CFLAR: variants seen among roughly 807,000 people sequenced by gnomAD.
CFLAR encodes CASP8 and FADD-like apoptosis regulator.
A neutral mutation model predicts 51.1 loss-of-function variants in CFLAR; 14 were observed. That is an observed-to-expected ratio of 0.27 (90% CI 0.18 to 0.43). The LOEUF (loss-of-function observed/expected upper bound fraction) is 0.43. Ranked by LOEUF, CFLAR falls within the 20% of genes least tolerant of loss-of-function variation. The pLI is 1.00. For synonymous variants in CFLAR, 210 were observed against 211.6 expected (o/e 0.99, Z 0.06); for missense variants, 390 against 566.5 (o/e 0.69, Z 3.16).
At chr2:201,131,336 A>G (rs1376331255) in intron 2 of CFLAR, among the ~76,000 whole-genome samples, 1 of 151,842 alleles carries the variant, frequency 6.6e-6, no homozygotes, top group Non-Finnish European at 1.5e-5. Flanking sequence ...TCTGGGTTCA[A>G]GTGATTCTCC....
intron 7 of CFLAR, 122 bp from the exon 8 acceptor site, chr2:201,149,632 C>G (rs1940909337): frequency 3.0e-6 from 2 of 665,196 alleles, no homozygotes; most frequent in African/African-American, 3.6e-5. Flanking sequence ...AAACTTCAGG[C>G]TGTGTCTGTT....
rs1022172177 is a variant in CFLAR at position 201,172,682 on chromosome 2, T to C, written c.*8709T>C. The stretch of plus-strand genomic sequence containing the variant: ...TGTGGCCTTTCGTGTCTGACTTCCT[T>C]CACTTAGCATGTTTCAAGGTTCATC... On this transcript the variant is annotated 3_prime_UTR_variant, in exon 10 of 10. Coordinates refer to ENST00000309955, the MANE Select transcript of CFLAR (RefSeq NM_003879.7). The C allele has an allele frequency of 2.0e-5, 3 of 152,222 alleles. No individual in the cohort carries two copies. Among genetic ancestry groups the C allele is most frequent in the African/African-American group, 7.2e-5 (3 of 41,456 alleles). The allele number at this position is 152,222 out of a possible 1,614,324, so 9.4% of individuals were successfully genotyped here.
At chr2:201,161,631 T>C (rs1943020748) in intron 9 of CFLAR, among the ~76,000 whole-genome samples, 1 of 151,844 alleles carries the variant, frequency 6.6e-6, no homozygotes, top group South Asian at 2.1e-4. Context: ...ACCAGGCCAG[T>C]CTTGAACTCC....
At chr2:201,161,055 A>ATCTC in intron 9 of CFLAR, 113 bp downstream of exon 9, 1 of 731,974 alleles carries the variant, frequency 1.4e-6, no homozygotes, top group Non-Finnish European at 2.3e-6. Flanking sequence ...AGGAAAAGAG[A>ATCTC]TTTTCCCTCC....
intron 8 of CFLAR, among the ~76,000 whole-genome samples, chr2:201,159,819 G>A (rs923432554): frequency 6.6e-6 from 1 of 152,196 alleles, no homozygotes. Flanking sequence ...ATCCTCACCT[G>A]TGGGTGAGGA....
At chr2:201,159,248 T>G (rs1942703918) in intron 8 of CFLAR, among the ~76,000 whole-genome samples, 1 of 152,132 alleles carries the variant, frequency 6.6e-6, no homozygotes, top group Non-Finnish European at 1.5e-5. Context: ...ATGATGCTTA[T>G]TGATTATAGA....
At chr2:201,149,699 T>G in intron 7 of CFLAR, 55 bp from the exon 8 acceptor site, 1 of 1,387,230 alleles carries the variant, frequency 7.2e-7, no homozygotes, top group African/African-American at 1.4e-5. Flanking sequence ...GGGTGGGACC[T>G]TATAGAAACA....
Position 201,175,403 on chromosome 2 carries a change from C to G in CFLAR, c.*11430C>G, listed in dbSNP as rs555543325. ...CTTTGGGAGGCTGAGGATGGTGGAT[C>G]GCTTGAGCCAAGGAATTTGAGGCCA... is the stretch of plus-strand genomic sequence containing the variant. On this transcript the variant is annotated 3_prime_UTR_variant, in exon 10 of 10. Transcript: ENST00000309955. 4.6e-5 allele frequency: 7 copies of G among 151,332 alleles called. 1 individual carries two copies. Among genetic ancestry groups the G allele is most frequent in the Admixed American group, 4.6e-4 (7 of 15,200 alleles). The allele number at this position is 151,332 out of a possible 1,614,324, so 9.4% of individuals were successfully genotyped here.
chr2:201,148,938 C>T, intron 6 of CFLAR, 65 bp from the exon 7 acceptor site: 1 of 1,032,246 alleles, frequency 9.7e-7, no homozygotes, highest in Admixed American at 1.8e-5. Flanking sequence ...AGAAACTCAG[C>T]CAGTGTAGGG....
At chr2:201,161,005 A>C in intron 9 of CFLAR, 63 bp downstream of exon 9, 1 of 1,165,288 alleles carries the variant, frequency 8.6e-7, no homozygotes, top group Non-Finnish European at 1.3e-6. Flanking sequence ...CCAGGATGGG[A>C]ATTACCACTG....
At position 201,162,998 on chromosome 2, in the gene CFLAR, G is replaced by T. The variant is rs547566469; in HGVS notation, c.1305-837G>T. 7 of 748,772 alleles carry T rather than the reference G, an allele frequency of 9.3e-6. 1 individual carries two copies. The South Asian group carries it at 9.8e-5, about 10-fold the overall frequency. 46.4% of individuals were successfully genotyped at this position (748,772 alleles called of 1,614,324 possible). On this transcript the variant is annotated intron_variant, in intron 9 of 9. Coordinates refer to ENST00000309955, the MANE Select transcript of CFLAR (RefSeq NM_003879.7). ...TCTTATCCTTAATTGTTTTCTAGGGGGACAATTCCCGGAAGTGGAATTACA... is the reference window on the plus strand; with the variant it reads ...TCTTATCCTTAATTGTTTTCTAGGGTGACAATTCCCGGAAGTGGAATTACA...
intron 1 of CFLAR, among the ~76,000 whole-genome samples, chr2:201,125,665 G>T (rs893016095): frequency 7.9e-5 from 12 of 152,054 alleles, no homozygotes; most frequent in Admixed American, 3.3e-4. Flanking sequence ...GAAGAGAGTT[G>T]TGGAGTGTTG....
chr2:201,133,579 G>T (rs1029482440), intron 3 of CFLAR, among the ~76,000 whole-genome samples: 22 of 152,020 alleles, frequency 1.4e-4, no homozygotes, highest in Non-Finnish European at 3.2e-4. Flanking sequence ...GGAGTGGGGT[G>T]GGGGGAGGTT....
intron 6 of CFLAR, among the ~76,000 whole-genome samples, chr2:201,148,050 CTTTG>C (rs201300106): frequency 0.027 from 4,078 of 151,924 alleles, 68 homozygotes; most frequent in Non-Finnish European, 0.039. Flanking sequence ...TGTGGCTTTT[CTTTG>C]TTTGTTTGTT....
At chr2:201,149,618 T>C in intron 7 of CFLAR, 136 bp from the exon 8 acceptor site, 1 of 596,628 alleles carries the variant, frequency 1.7e-6, no homozygotes, top group Non-Finnish European at 3.0e-6. Context: ...TTTGCCGTAA[T>C]GGGAAACTTC....
At chr2:201,137,011 C>T (rs2050215416) in intron 4 of CFLAR, 1 of 179,724 alleles carries the variant, frequency 5.6e-6, no homozygotes, top group African/African-American at 2.4e-5. Flanking sequence ...GGAGCAGGAC[C>T]TAAGGGTAGC....
intron 5 of CFLAR, among the ~76,000 whole-genome samples, chr2:201,142,389 C>T (rs562035895): frequency 6.6e-6 from 1 of 152,072 alleles, no homozygotes; most frequent in African/African-American, 2.4e-5. Context: ...GTAAGAGACA[C>T]TACTGAGCAA....
chr2:201,144,986 G>A (rs1939811901), intron 5 of CFLAR, among the ~76,000 whole-genome samples: 1 of 152,038 alleles, frequency 6.6e-6, no homozygotes, highest in South Asian at 2.1e-4. Flanking sequence ...CTGAGAAGCT[G>A]GGATTACAGG....
chr2:201,138,317 G>A lies in CFLAR; in HGVS notation c.524-2040G>A. 1 of 773,036 alleles carries A rather than the reference G, an allele frequency of 1.3e-6. No homozygotes were observed. Among genetic ancestry groups the A allele is most frequent in the Non-Finnish European group, 2.4e-6 (1 of 418,538 alleles). The allele number at this position is 773,036 out of a possible 1,614,324, so 47.9% of individuals were successfully genotyped here. A position where few individuals can be genotyped will look rare whatever the true frequency, so the allele number is the denominator to read the frequency against. On this transcript the variant is annotated intron_variant, in intron 4 of 9. Coordinates refer to ENST00000309955, the MANE Select transcript of CFLAR (RefSeq NM_003879.7). The surrounding 1 kb of genome is among the most constrained non-coding windows in gnomAD (Gnocchi z 4.0). ...TTTGTCATCCTCATGGGTACCCACA[G>A]CTGCCCCGCCCAGCAGCTGCTCATG...
Sources: allele counts gnomAD v4.1 joint callset (sites outside exome capture counted in the v4.1 genomes callset), GRCh38; gene constraint gnomAD v4.1.1; non-coding constraint Gnocchi (gnomAD v3.1); transcripts MANE v1.5; gene names NCBI Gene and HGNC (gene_info 2026-07-23, HGNC 2026-07-21).